The following C14orf180 variants were observed in gnomAD, a reference collection of about 807,000 sequenced individuals.
The protein encoded by C14orf180 is chromosome 14 open reading frame 180, also known as nutritionally-regulated adipose and cardiac enriched protein homolog.
Under a neutral mutation model 13.9 loss-of-function variants are expected in C14orf180, and 13 were observed. The observed-to-expected ratio is 0.94, with a 90% CI of 0.61 to 1.49. The LOEUF is 1.49. Ranked by LOEUF, C14orf180 falls within the 40% of genes most tolerant of loss-of-function variation. C14orf180 has a pLI of 0.00. For missense variants in C14orf180, 238 were observed against 232.0 expected, an observed-to-expected ratio of 1.03 and a Z score of -0.17; for synonymous variants, 113 against 106.3, an observed-to-expected ratio of 1.06 and a Z score of -0.39.
rs368551851 is a variant in C14orf180, at chr14:104,588,765, C to T, written c.465C>T (p.Arg155=). 316 of 1,527,182 alleles carry T rather than the reference C, an allele frequency of 2.1e-4. No homozygotes were observed. Among genetic ancestry groups the T allele is most frequent in the Non-Finnish European group, 2.3e-4 (260 of 1,145,202 alleles). 94.6% of individuals were successfully genotyped at this position (1,527,182 alleles called of 1,614,324 possible). ...GGCACGTGGCCCTCACCTGCTGGCG[C>T]GGCCTCCTGCGGCTCTGACGGGCAG... ...HLRHVALTCW[R]GLLRL is the part of the protein sequence containing the mutation. The change falls in exon 5 of 5, where the codon CGC becomes CGT. Residue 155 remains arginine, a synonymous_variant. Transcript: ENST00000557649.
At position 104,588,948 on chromosome 14, in the gene C14orf180, C is replaced by T. The variant is rs982692164; in HGVS notation, c.*165C>T. 2.3e-5 allele frequency: 31 copies of T among 1,371,342 alleles called. No individual in the cohort carries two copies. Among genetic ancestry groups the T allele is most frequent in the Middle Eastern group, 2.1e-4 (1 of 4,768 alleles). 84.9% of individuals were successfully genotyped at this position (1,371,342 alleles called of 1,614,324 possible). A position where few individuals can be genotyped will look rare whatever the true frequency, so the allele number is the denominator to read the frequency against. On this transcript the variant is annotated 3_prime_UTR_variant, in exon 5 of 5. Transcript: ENST00000557649. ...AAAGGGGGACCCCGTGGCGTGAGAT[C>T]GGACATGGGGGGCACAGCAGGCGGC...
intron 3 of C14orf180, among the ~76,000 whole-genome samples, 184 bp downstream of exon 3, chr14:104,588,062 C>T (rs776699068): frequency 9.9e-5 from 15 of 152,214 alleles, no homozygotes; most frequent in South Asian, 2.1e-4. Flanking sequence ...CACACAGTCC[C>T]GGTCCATGAA....
At position 104,589,022 on chromosome 14, in the gene C14orf180, T is replaced by C. The variant is rs3803318; in HGVS notation, c.*239T>C. On this transcript the variant is annotated 3_prime_UTR_variant, in exon 5 of 5. Coordinates refer to ENST00000557649, the MANE Select transcript of C14orf180 (RefSeq NM_001008404.3). This position sits in a 1 kb window ranked among gnomAD's most constrained non-coding sequence, Gnocchi z 4.9. ...CCTCCTGTCTCCTGTGTTGGGTCCA[T>C]GTGAGATTTTATTAGAAAGAGGATT... 0.4 allele frequency: 312,728 copies of C among 787,098 alleles called. 64,480 individuals are homozygous for C. Among genetic ancestry groups the C allele is most frequent in the South Asian group, 0.42 (19,679 of 46,676 alleles). The allele number at this position is 787,098 out of a possible 1,614,324, so 48.8% of individuals were successfully genotyped here.
At chr14:104,585,218 A>C (rs2140461725) in intron 1 of C14orf180, among the ~76,000 whole-genome samples, 1 of 152,346 alleles carries the variant, frequency 6.6e-6, no homozygotes, top group Admixed American at 6.5e-5. Context: ...GAAGGGCAGC[A>C]GGAGGTCCCC....
At chr14:104,583,644 G>A (rs951505782) in intron 1 of C14orf180, among the ~76,000 whole-genome samples, 7 of 152,114 alleles carry the variant, frequency 4.6e-5, no homozygotes, top group African/African-American at 1.4e-4. Flanking sequence ...TCCACATTCC[G>A]GCAGAACTCT....
chr14:104,581,755 C>A (rs952225384), intron 1 of C14orf180: 3 of 152,626 alleles, frequency 2.0e-5, no homozygotes, highest in African/African-American at 7.2e-5. Flanking sequence ...AGGAGCCTGG[C>A]CCCCTGTCTC....
At chr14:104,582,783 C>A (rs1216713111) in intron 1 of C14orf180, among the ~76,000 whole-genome samples, 1 of 152,200 alleles carries the variant, frequency 6.6e-6, no homozygotes, top group Non-Finnish European at 1.5e-5. Flanking sequence ...TCCCCAGCAG[C>A]GGGCCTAGCG....
Position 104,589,682 on chromosome 14 carries a change from C to T in C14orf180, c.*899C>T, listed in dbSNP as rs958413297. ...CAAAGCAGGGAGGCCCACGGTTAGA[C>T]ACCAGGCAGAACTGCCCAGGAGAGA... On this transcript the variant is annotated 3_prime_UTR_variant, in exon 5 of 5. Transcript: ENST00000557649. This position sits in a 1 kb window ranked among gnomAD's most constrained non-coding sequence, Gnocchi z 4.9. 2 of 152,648 alleles carry T rather than the reference C, an allele frequency of 1.3e-5. No homozygotes were observed. Among genetic ancestry groups the T allele is most frequent in the Non-Finnish European group, 2.9e-5 (2 of 68,104 alleles). The allele number at this position is 152,648 out of a possible 1,614,324, so 9.5% of individuals were successfully genotyped here.
chr14:104,587,582 C>T (rs1886671152), intron 2 of C14orf180, among the ~76,000 whole-genome samples, 167 bp from the exon 3 acceptor site: 1 of 151,948 alleles, frequency 6.6e-6, no homozygotes, highest in South Asian at 2.1e-4. Context: ...AGTCCCTGTC[C>T]AGGAGCTGCC....
chr14:104,588,449 C>A, intron 4 of C14orf180, 129 bp from the exon 5 acceptor site: 1 of 1,484,458 alleles, frequency 6.7e-7, no homozygotes. Flanking sequence ...GCAAGGAGAC[C>A]CCAAGAGGCT....
At chr14:104,587,068 GCCCCAGCCAGGAACAA>G (rs1175031339) in intron 2 of C14orf180, among the ~76,000 whole-genome samples, 5 of 152,178 alleles carry the variant, frequency 3.3e-5, no homozygotes, top group Non-Finnish European at 7.4e-5. Flanking sequence ...AGCGAGCAAT[GCCCCAGCCAGGAACAA>G]CCTCAGAGCT....
rs146244955 is a variant in C14orf180, at chr14:104,587,876, A to G, written c.239A>G (p.His80Arg). The G allele has an allele frequency of 2.6e-4, 415 of 1,602,682 alleles. No individual in the cohort carries two copies. Among genetic ancestry groups the G allele is most frequent in the Non-Finnish European group, 3.4e-4 (403 of 1,173,904 alleles). Residue 80 changes from histidine to arginine, a missense_variant and splice_region_variant, in exon 3 of 5, where the codon CAC (histidine) becomes CGC (arginine). Transcript: ENST00000557649. ...CGAGAACCCCCAGCGGTGACCGTCC[A>G]CTGTAAGAGGGCACCCGCAGCAAGC... ...WFREPPAVTV[H>R]YIADKNATAT...
chr14:104,587,811 A>G lies in C14orf180; in HGVS notation c.174A>G (p.Pro58=), dbSNP rs1886683076. The G allele has an allele frequency of 1.9e-6, 3 of 1,612,440 alleles. No individual in the cohort carries two copies. Among genetic ancestry groups the G allele is most frequent in the Non-Finnish European group, 8.5e-7 (1 of 1,179,604 alleles). Residue 58 remains proline (P), a synonymous_variant, in exon 3 of 5, where the codon CCA becomes CCG. Coordinates refer to ENST00000557649, the MANE Select transcript of C14orf180 (RefSeq NM_001008404.3). ...GGAGCCGGCCGGAGCACCACCGCCC[A>G]GAGGCCAAGCCCCAGAGGACCTCGA... ...LKRSRPEHHR[P]EAKPQRTSRR... is the part of the protein sequence containing the mutation.
Position 104,587,737 on chromosome 14 carries a change from C to A in C14orf180, c.112-12C>A. ...CGGGGACTCACCAGTCTGCTTCCCG[C>A]CCCCACACCAGGAGGACAACAGGAA... On this transcript the variant is annotated splice_polypyrimidine_tract_variant and intron_variant, in intron 2 of 4. Coordinates refer to ENST00000557649, the MANE Select transcript of C14orf180 (RefSeq NM_001008404.3). 6.2e-7 allele frequency: 1 copy of A among 1,610,908 alleles called. No homozygotes were observed. Among genetic ancestry groups the A allele is most frequent in the African/African-American group, 1.3e-5 (1 of 74,898 alleles).
intron 1 of C14orf180, 110 bp downstream of exon 1, chr14:104,580,113 G>A (rs1886388893): frequency 6.6e-6 from 1 of 151,828 alleles, no homozygotes; most frequent in South Asian, 2.1e-4. Context: ...CCCCAGCTGG[G>A]CAGCAGGTGT....
rs771198714 is a variant in C14orf180 at position 104,588,270 on chromosome 14, G to A, written c.242-4G>A. ...CCCAGCTGACTCTCCATTCTCTTTC[G>A]CAGACATTGCTGACAAGAACGCCAC... On this transcript the variant is annotated splice_polypyrimidine_tract_variant and splice_region_variant and intron_variant, in intron 3 of 4. Transcript: ENST00000557649. 35 of 1,613,818 alleles carry A rather than the reference G, an allele frequency of 2.2e-5. No individual in the cohort carries two copies. Among genetic ancestry groups the A allele is most frequent in the East Asian group, 6.7e-5 (3 of 44,892 alleles).
chr14:104,585,857 G>A (rs988199191), intron 1 of C14orf180, among the ~76,000 whole-genome samples: 7 of 152,104 alleles, frequency 4.6e-5, no homozygotes, highest in South Asian at 4.2e-4. Flanking sequence ...AGTGTGAGCC[G>A]TGCTGAGGGG....
At chr14:104,581,584 G>C (rs1886433258) in intron 1 of C14orf180, 1 of 152,624 alleles carries the variant, frequency 6.6e-6, no homozygotes, top group Non-Finnish European at 1.5e-5. Flanking sequence ...GGGCTGATCA[G>C]GCCTGAGCCA....
intron 2 of C14orf180, among the ~76,000 whole-genome samples, 160 bp from the exon 3 acceptor site, chr14:104,587,589 T>C (rs966389632): frequency 6.6e-6 from 1 of 152,068 alleles, no homozygotes; most frequent in Admixed American, 6.5e-5. Flanking sequence ...GTCCAGGAGC[T>C]GCCCCTCACC....
Sources: allele counts gnomAD v4.1 joint callset (sites outside exome capture counted in the v4.1 genomes callset), GRCh38; gene constraint gnomAD v4.1.1; non-coding constraint Gnocchi (gnomAD v3.1); transcripts MANE v1.5; gene names NCBI Gene and HGNC (gene_info 2026-07-23, HGNC 2026-07-21).